Variants in ERBB4 observed in about 807,000 individuals in gnomAD.
ERBB4 encodes receptor tyrosine-protein kinase erbB-4.
A neutral mutation model predicts 158.0 loss-of-function variants in ERBB4; 42 were observed. The observed-to-expected ratio is 0.27, with a 90% CI of 0.21 to 0.34. The LOEUF (loss-of-function observed/expected upper bound fraction) is 0.34. ERBB4 is among the 10% of genes least tolerant of loss of function. The probability of loss-of-function intolerance (pLI) is 1.00; values close to 1 mark genes in which losing one functional copy is unlikely to be tolerated. For missense variants in ERBB4, 1,333 were observed against 1,624.1 expected (o/e 0.82, Z 3.08); for synonymous variants, 583 against 558.7 (o/e 1.04, Z -0.61).
chr2:211,694,484 T>C (rs746602641), intron 12 of ERBB4, among the ~76,000 whole-genome samples: 20 of 152,022 alleles, frequency 1.3e-4, no homozygotes, highest in African/African-American at 4.6e-4. Flanking sequence ...GATAAGAACA[T>C]AGTGAACATT....
intron 1 of ERBB4, among the ~76,000 whole-genome samples, chr2:212,449,864 T>C (rs2092420052): frequency 6.6e-6 from 1 of 152,150 alleles, no homozygotes; most frequent in African/African-American, 2.4e-5. Flanking sequence ...ATAATATTAA[T>C]ACAGCCAAAA....
chr2:212,492,073 C>T (rs941870951), intron 1 of ERBB4, among the ~76,000 whole-genome samples: 6 of 151,148 alleles, frequency 4.0e-5, no homozygotes, highest in Non-Finnish European at 7.4e-5. Context: ...TAGCAGAGAA[C>T]AAAAATAACG....
intron 2 of ERBB4, among the ~76,000 whole-genome samples, chr2:212,002,758 C>G (rs1000207502): frequency 1.3e-5 from 2 of 151,966 alleles, no homozygotes; most frequent in African/African-American, 2.4e-5. Context: ...AAGTCTTAGA[C>G]GTTTGAAAAA....
Position 211,712,084 on chromosome 2 carries a change from C to T in ERBB4, c.1090G>A (p.Gly364Arg). The T allele has an allele frequency of 6.2e-7, 1 of 1,609,828 alleles. No homozygotes were observed. The highest frequency in any genetic ancestry group is 1.3e-5 in the African/African-American group (1 of 74,950). ...DKFINCTKINGNLIFLVTGIH... is the reference protein window; with the variant it reads ...DKFINCTKINRNLIFLVTGIH... ...CCAGTGACTAGAAAGATCAAATTCC[C>T]ATTGATCTTGGTACAGTTTATGAAT... Residue 364 changes from glycine to arginine, a missense_variant, in exon 9 of 28, where the codon GGG (glycine) becomes AGG (arginine). Coordinates refer to ENST00000342788, the MANE Select transcript of ERBB4 (RefSeq NM_005235.3).
intron 2 of ERBB4, among the ~76,000 whole-genome samples, chr2:211,973,601 G>A (rs2081520919): frequency 6.6e-6 from 1 of 152,124 alleles, no homozygotes; most frequent in South Asian, 2.1e-4. Context: ...GTGAGGTTGT[G>A]GAGAAAAAAG....
At chr2:211,601,976 G>A (rs960809549) in intron 19 of ERBB4, among the ~76,000 whole-genome samples, 2 of 152,118 alleles carry the variant, frequency 1.3e-5, no homozygotes, top group African/African-American at 4.8e-5. Context: ...TGATAAATAA[G>A]TGAGTTCTTT....
chr2:212,264,866 T>C (rs2085072960), intron 1 of ERBB4, among the ~76,000 whole-genome samples: 1 of 152,066 alleles, frequency 6.6e-6, no homozygotes, highest in African/African-American at 2.4e-5. Flanking sequence ...GTCTACAGGC[T>C]CATTATAAAG....
At chr2:212,199,282 A>G (rs2082522998) in intron 1 of ERBB4, among the ~76,000 whole-genome samples, 1 of 152,102 alleles carries the variant, frequency 6.6e-6, no homozygotes, top group Non-Finnish European at 1.5e-5. Context: ...ATATTGTTCT[A>G]TTTATCTATT....
At chr2:212,281,100 T>C (rs1337981003) in intron 1 of ERBB4, among the ~76,000 whole-genome samples, 1 of 151,618 alleles carries the variant, frequency 6.6e-6, no homozygotes, top group Admixed American at 6.6e-5. Context: ...CTGAAAGCCC[T>C]TCTTTTTTTT....
At position 211,571,038 on chromosome 2, in the gene ERBB4, C is replaced by CCTCTTTTTTTTTTTTTT. The variant is rs1437512949; in HGVS notation, c.2302-8951_2302-8950insAAAAAAAAAAAAAAGAG. ...GATTTTTCACTCTCTGAGTACTCTT[C>CCTCTTTTTTTTTTTTTT]TTCTTTTTTTTTTTTTTTTTTTTGA... On this transcript the variant is annotated intron_variant, in intron 19 of 27. Coordinates refer to ENST00000342788, the MANE Select transcript of ERBB4 (RefSeq NM_005235.3). Among the ~76,000 whole-genome samples the CCTCTTTTTTTTTTTTTT allele has an allele frequency of 1.2e-3, 71 of 58,732 alleles. 4 individuals are homozygous for CCTCTTTTTTTTTTTTTT. Among genetic ancestry groups the CCTCTTTTTTTTTTTTTT allele is most frequent in the African/African-American group, 5.2e-3 (69 of 13,164 alleles). The allele number at this position is 58,732 out of a possible 152,430, so 38.5% of individuals were successfully genotyped here. A position where few individuals can be genotyped will look rare whatever the true frequency, so the allele number is the denominator to read the frequency against.
intron 3 of ERBB4, among the ~76,000 whole-genome samples, chr2:211,898,301 C>A (rs1325158113): frequency 6.6e-6 from 1 of 151,972 alleles, no homozygotes; most frequent in Non-Finnish European, 1.5e-5. Context: ...TAAAACACAG[C>A]ACAAAGAGAA....
chr2:211,640,799 A>C (rs978038214), intron 16 of ERBB4, among the ~76,000 whole-genome samples: 1 of 152,144 alleles, frequency 6.6e-6, no homozygotes, highest in Non-Finnish European at 1.5e-5. Context: ...GTTTAAAAGG[A>C]GATATGGTGA....
chr2:212,234,142 C>T (rs2083766184), intron 1 of ERBB4, among the ~76,000 whole-genome samples: 1 of 152,102 alleles, frequency 6.6e-6, no homozygotes, highest in African/African-American at 2.4e-5. Flanking sequence ...AGCCCCTCAA[C>T]CTCTGACAGG....
chr2:212,220,404 C>T (rs1157990467), intron 1 of ERBB4, among the ~76,000 whole-genome samples: 2 of 151,372 alleles, frequency 1.3e-5, no homozygotes, highest in African/African-American at 4.8e-5. Context: ...TATTCGCCAT[C>T]CCAAATGCCC....
intron 25 of ERBB4, among the ~76,000 whole-genome samples, chr2:211,410,254 C>G (rs1484893355): frequency 6.6e-6 from 1 of 152,140 alleles, no homozygotes; most frequent in Admixed American, 6.5e-5. Flanking sequence ...CACACATTGC[C>G]AATCTCTCCT....
At chr2:211,462,715 C>G (rs929667249) in intron 20 of ERBB4, among the ~76,000 whole-genome samples, 2 of 152,092 alleles carry the variant, frequency 1.3e-5, no homozygotes, top group African/African-American at 4.8e-5. Flanking sequence ...AATTGCAATT[C>G]CATTTTCTAA....
intron 1 of ERBB4, among the ~76,000 whole-genome samples, chr2:212,236,933 C>CT (rs1160377970): frequency 1.3e-5 from 2 of 151,966 alleles, no homozygotes; most frequent in African/African-American, 2.4e-5. Context: ...GGATTCATTG[C>CT]TTTTTTGAAG....
intron 2 of ERBB4, among the ~76,000 whole-genome samples, chr2:212,099,393 A>T (rs2079020325): frequency 6.6e-6 from 1 of 152,082 alleles, no homozygotes; most frequent in East Asian, 1.9e-4. Flanking sequence ...TATAATAAAA[A>T]AGTATCTATC....
intron 20 of ERBB4, among the ~76,000 whole-genome samples, chr2:211,457,887 C>A (rs141791754): frequency 1.3e-5 from 2 of 152,220 alleles, no homozygotes; most frequent in Non-Finnish European, 2.9e-5. Context: ...TTAGAGGAAC[C>A]GCTGGTCCAC....
Sources: allele counts gnomAD v4.1 joint callset (sites outside exome capture counted in the v4.1 genomes callset), GRCh38; gene constraint gnomAD v4.1.1; transcripts MANE v1.5; gene names NCBI Gene and HGNC (gene_info 2026-07-23, HGNC 2026-07-21).